BBIP1: variants seen among roughly 807,000 people sequenced by gnomAD.
BBIP1 encodes BBSome interacting protein 1.
Under a neutral mutation model 8.9 loss-of-function variants are expected in BBIP1, and 6 were observed. The observed-to-expected ratio is 0.67, with a 90% CI of 0.37 to 1.33. The LOEUF is 1.33. Ranked by LOEUF, BBIP1 falls within the 40% of genes most tolerant of loss-of-function variation. The pLI, the probability that BBIP1 is intolerant of heterozygous loss-of-function variation, is 0.02. For synonymous variants in BBIP1, 32 were observed against 33.4 expected (o/e 0.96, Z 0.14); for missense variants, 111 against 109.2 (o/e 1.02, Z -0.07).
Position 110,899,233 on chromosome 10 carries a change from A to G in BBIP1, c.*1127T>C, listed in dbSNP as rs1033217144. ...CAAATATTGACTGCAGCAAACAAGA[A>G]TTATATTCAGAATTTATGAGGGTAC... On this transcript the variant is annotated 3_prime_UTR_variant, in exon 4 of 4. Coordinates refer to ENST00000448814, the MANE Select transcript of BBIP1 (RefSeq NM_001195305.3). The G allele has an allele frequency of 3.9e-5, 6 of 152,214 alleles. No individual in the cohort carries two copies. Among genetic ancestry groups the G allele is most frequent in the Non-Finnish European group, 7.3e-5 (5 of 68,030 alleles). The allele number at this position is 152,214 out of a possible 1,614,324, so 9.4% of individuals were successfully genotyped here. A position where few individuals can be genotyped will look rare whatever the true frequency, so the allele number is the denominator to read the frequency against.
Position 110,905,426 on chromosome 10 carries a change from G to A in BBIP1, c.38-3814C>T, listed in dbSNP as rs181677378. Reference sequence around the variant, plus strand: ...AAATACAAAAAATTAGCAGGGCGTAGTGGTGGGCGCCTGTAGTCCCAGCTA... The same window carrying A: ...AAATACAAAAAATTAGCAGGGCGTAATGGTGGGCGCCTGTAGTCCCAGCTA... On this transcript the variant is annotated intron_variant, in intron 2 of 3. Coordinates refer to ENST00000448814, the MANE Select transcript of BBIP1 (RefSeq NM_001195305.3). Among the ~76,000 whole-genome samples, 202 of 152,258 alleles carry A rather than the reference G, an allele frequency of 1.3e-3. 1 individual carries two copies. The highest frequency in any genetic ancestry group is 4.6e-3 in the African/African-American group (193 of 41,546).
chr10:110,918,236 T>C, intron 1 of BBIP1, 23 bp from the exon 2 acceptor site: 1 of 1,226,488 alleles, frequency 8.2e-7, no homozygotes, highest in Middle Eastern at 2.1e-4. Context: ...GTATGATAAC[T>C]TTGTAAAGGG....
chr10:110,911,165 G>A (rs936711647), intron 2 of BBIP1: 2 of 152,162 alleles, frequency 1.3e-5, no homozygotes, highest in Non-Finnish European at 2.9e-5. Flanking sequence ...TCTTACCATA[G>A]TGTACCATTA....
chr10:110,901,407 AAGAC>A (rs1845998360), intron 3 of BBIP1, 127 bp downstream of exon 3: 2 of 670,870 alleles, frequency 3.0e-6, no homozygotes, highest in Admixed American at 2.4e-5. Context: ...CATATAGTAA[AAGAC>A]AGTAAATGAG....
intron 2 of BBIP1, chr10:110,903,118 T>C (rs1564690461): frequency 6.6e-6 from 1 of 152,208 alleles, no homozygotes; most frequent in Non-Finnish European, 1.5e-5. Context: ...ATTATAGATG[T>C]TGATAAATGT....
chr10:110,907,141 A>AC (rs1315040215), intron 2 of BBIP1: 1 of 152,174 alleles, frequency 6.6e-6, no homozygotes, highest in Non-Finnish European at 1.5e-5. Context: ...CTCCTAAGAG[A>AC]TGTTTATTTT....
chr10:110,918,540 T>C (rs752744480), intron 1 of BBIP1, among the ~76,000 whole-genome samples: 21 of 152,250 alleles, frequency 1.4e-4, no homozygotes, highest in Non-Finnish European at 2.4e-4. Context: ...AAGTACTTAA[T>C]AGGAACTTGC....
At chr10:110,902,581 T>C (rs1407037509) in intron 2 of BBIP1, 1 of 152,260 alleles carries the variant, frequency 6.6e-6, no homozygotes, top group Non-Finnish European at 1.5e-5. Context: ...GTGAAGCTTC[T>C]TCTGGTTTTT....
chr10:110,907,641 A>T (rs774118437), intron 2 of BBIP1: 1 of 618,030 alleles, frequency 1.6e-6, no homozygotes, highest in Non-Finnish European at 2.9e-6. Flanking sequence ...CAGACACTAC[A>T]TATAAAAGTT....
chr10:110,902,754 G>C (rs1846036332), intron 2 of BBIP1: 1 of 152,162 alleles, frequency 6.6e-6, no homozygotes, highest in African/African-American at 2.4e-5. Flanking sequence ...CCCCTATACT[G>C]CTCTAGCAGG....
intron 2 of BBIP1, among the ~76,000 whole-genome samples, chr10:110,917,194 A>ATTTTTTTTTTTTTT (rs67066048): frequency 1.9e-5 from 2 of 107,970 alleles, no homozygotes; most frequent in African/African-American, 7.2e-5. Context: ...CTGGATCCTG[A>ATTTTTTTTTTTTTT]TTTTTTTTTT....
In BBIP1 at chr10:110,899,766, G is replaced by C. The variant is rs1232697157; in HGVS notation, c.*594C>G. ...GAGTCGAGATGGTGCCATTGCTCTC[G>C]TTTGGGCAACAAGAGTGAAACTCTT... On this transcript the variant is annotated 3_prime_UTR_variant, in exon 4 of 4. Transcript: ENST00000448814. The C allele has an allele frequency of 6.8e-6, 1 of 147,996 alleles. No homozygotes were observed. The highest frequency in any genetic ancestry group is 2.5e-5 in the African/African-American group (1 of 39,498). The allele number at this position is 147,996 out of a possible 1,614,324, so 9.2% of individuals were successfully genotyped here. A position where few individuals can be genotyped will look rare whatever the true frequency, so the allele number is the denominator to read the frequency against.
chr10:110,911,604 AGCGGGAGGTGAACGGGCACATGGG>A (rs2134039773), intron 2 of BBIP1: 1 of 151,860 alleles, frequency 6.6e-6, no homozygotes, highest in South Asian at 2.1e-4. Flanking sequence ...TCCCAGTTGC[AGCGGGAGGTGAACGGGCACATGGG>A]TAAAATTATA....
At chr10:110,905,563 C>G (rs911980273) in intron 2 of BBIP1, among the ~76,000 whole-genome samples, 1 of 151,420 alleles carries the variant, frequency 6.6e-6, no homozygotes, top group Admixed American at 6.6e-5. Flanking sequence ...CTCCGTCCTC[C>G]CCCCACCCCT....
intron 2 of BBIP1, among the ~76,000 whole-genome samples, chr10:110,909,686 A>C (rs1033921657): frequency 3.9e-4 from 59 of 152,236 alleles, no homozygotes; most frequent in Admixed American, 2.6e-3. Flanking sequence ...AGTGGACAGA[A>C]ATTGTGAGTT....
intron 2 of BBIP1, among the ~76,000 whole-genome samples, chr10:110,912,977 A>T (rs1228971038): frequency 6.6e-6 from 1 of 152,198 alleles, no homozygotes; most frequent in African/African-American, 2.4e-5. Flanking sequence ...AAACTATGAC[A>T]GTAAAATCCA....
intron 2 of BBIP1, among the ~76,000 whole-genome samples, chr10:110,916,914 G>C (rs1471755489): frequency 6.6e-6 from 1 of 152,208 alleles, no homozygotes; most frequent in Non-Finnish European, 1.5e-5. Flanking sequence ...GCTAAGAAGT[G>C]AGATGGATTT....
intron 2 of BBIP1, among the ~76,000 whole-genome samples, chr10:110,913,566 A>G (rs1486845083): frequency 6.6e-6 from 1 of 152,236 alleles, no homozygotes; most frequent in African/African-American, 2.4e-5. Flanking sequence ...TCATAATAGA[A>G]CTCAAAGCTG....
intron 2 of BBIP1, among the ~76,000 whole-genome samples, chr10:110,914,040 G>A (rs1846335878): frequency 6.6e-6 from 1 of 152,160 alleles, no homozygotes. Flanking sequence ...GTAAGCACAT[G>A]CTCTGGAATT....
Sources: gnomAD v4.1 joint callset for allele counts (sites outside exome capture counted in the v4.1 genomes callset) on GRCh38, gnomAD v4.1.1 for gene constraint, MANE v1.5 for transcripts, NCBI Gene and HGNC (gene_info 2026-07-23, HGNC 2026-07-21) for gene names.